The following RAB7B variants were observed in gnomAD, a reference collection of about 807,000 sequenced individuals.
The protein encoded by RAB7B is ras-related protein Rab-7b.
intron 5 of RAB7B, among the ~76,000 whole-genome samples, chr1:205,985,259 C>T (rs1042867630): frequency 1.3e-5 from 2 of 152,314 alleles, no homozygotes; most frequent in South Asian, 2.1e-4. Context: ...GGCTCAGGTA[C>T]AGGACTGGAG....
intron 4 of RAB7B, among the ~76,000 whole-genome samples, chr1:205,988,235 T>G (rs1323210217): frequency 2.1e-4 from 6 of 28,520 alleles, no homozygotes; most frequent in African/African-American, 2.8e-4. Flanking sequence ...TGTGGGTTTT[T>G]TTTTTTTTTT....
chr1:206,002,715 G>A (rs888431685), intron 1 of RAB7B, among the ~76,000 whole-genome samples: 5 of 152,312 alleles, frequency 3.3e-5, no homozygotes, highest in Non-Finnish European at 5.9e-5. Context: ...ACCCAGATCC[G>A]TCCGACTCTA....
intron 1 of RAB7B, among the ~76,000 whole-genome samples, chr1:205,996,525 C>A (rs1023644629): frequency 1.3e-5 from 2 of 152,170 alleles, no homozygotes; most frequent in Non-Finnish European, 2.9e-5. Context: ...ACTCAAGATG[C>A]CTTCTTGGTG....
chr1:205,990,923 G>A (rs939185603), intron 4 of RAB7B, among the ~76,000 whole-genome samples: 5 of 151,706 alleles, frequency 3.3e-5, no homozygotes, highest in Admixed American at 1.3e-4. Flanking sequence ...GAGTAGCTGG[G>A]ATTACAGATG....
chr1:205,991,299 A>G (rs1356848231), intron 4 of RAB7B, among the ~76,000 whole-genome samples: 1 of 152,144 alleles, frequency 6.6e-6, no homozygotes, highest in African/African-American at 2.4e-5. Context: ...AAAAATGGAG[A>G]CACCTTGCCT....
chr1:205,985,782 C>CACCAGG (rs1660588724), intron 4 of RAB7B, 117 bp from the exon 5 acceptor site: 5 of 70,870 alleles, frequency 7.1e-5, no homozygotes, highest in African/African-American at 2.8e-4. Context: ...TCCCCATCAT[C>CACCAGG]CCCACCAGGC....
At chr1:205,996,614 C>A (rs1660816530) in intron 1 of RAB7B, among the ~76,000 whole-genome samples, 1 of 152,134 alleles carries the variant, frequency 6.6e-6, no homozygotes, top group Non-Finnish European at 1.5e-5. Context: ...AATGGGAAGC[C>A]CCCAGAGATT....
At chr1:205,984,600 T>C (rs894594321) in intron 5 of RAB7B, among the ~76,000 whole-genome samples, 590 of 152,262 alleles carry the variant, frequency 3.9e-3, no homozygotes, top group African/African-American at 0.013. Context: ...CACATCAGAC[T>C]GACGTTAAAA....
intron 5 of RAB7B, chr1:205,984,161 G>A (rs1003054135): frequency 6.6e-6 from 1 of 152,266 alleles, no homozygotes; most frequent in African/African-American, 2.4e-5. Flanking sequence ...CAAGCACTAA[G>A]AGAGGGACAC....
intron 1 of RAB7B, among the ~76,000 whole-genome samples, chr1:205,996,058 AT>A (rs1334251868): frequency 2.7e-5 from 4 of 147,486 alleles, no homozygotes; most frequent in African/African-American, 5.1e-5. Context: ...CATTATTTTA[AT>A]TTTTTTCTCT....
At chr1:205,982,526 C>T (rs1051901461) in intron 5 of RAB7B, among the ~76,000 whole-genome samples, 86 of 152,286 alleles carry the variant, frequency 5.6e-4, no homozygotes, top group African/African-American at 1.5e-3. Flanking sequence ...GCCCTCTCTG[C>T]ACTACAATAG....
At chr1:205,994,329 C>T (rs1256353105) in intron 1 of RAB7B, 178 bp from the exon 2 acceptor site, 1 of 368,050 alleles carries the variant, frequency 2.7e-6, no homozygotes, top group African/African-American at 2.1e-5. Context: ...TTCTCCCTCA[C>T]TTTCCCTGGG....
chr1:205,978,823 CT>C lies in RAB7B; in HGVS notation c.*27del, dbSNP rs2102629643. 1 of 398,720 alleles carries C rather than the reference CT, an allele frequency of 2.5e-6. No homozygotes were observed. The highest frequency in any genetic ancestry group is 3.6e-5 in the East Asian group (1 of 28,068). 24.7% of individuals were successfully genotyped at this position (398,720 alleles called of 1,614,324 possible). A position where few individuals can be genotyped will look rare whatever the true frequency, so the allele number is the denominator to read the frequency against. On this transcript the variant is annotated 3_prime_UTR_variant, in exon 6 of 6. Coordinates refer to ENST00000617070, the MANE Select transcript of RAB7B (RefSeq NM_001164522.3). ...ACCAGGCTCGGGGCAGGCTCTGTTT[CT>C]GGGCTTCCAGAGCAGGCGTCTGGAG...
In RAB7B at chr1:205,978,676, C is replaced by T. The variant is rs1660430590; in HGVS notation, c.*175G>A. 1.0e-5 allele frequency: 4 copies of T among 391,472 alleles called. No homozygotes were observed. The highest frequency in any genetic ancestry group is 1.4e-5 in the Non-Finnish European group (3 of 221,992). The allele number at this position is 391,472 out of a possible 1,614,324, so 24.2% of individuals were successfully genotyped here. On this transcript the variant is annotated 3_prime_UTR_variant, in exon 6 of 6. Transcript: ENST00000617070. Reference sequence around the variant, plus strand: ...TACTCAGCCTGAGCCAGGGGCTGCCCTCTGACTCTGGGCCCAGCACCAGGG... The same window carrying T: ...TACTCAGCCTGAGCCAGGGGCTGCCTTCTGACTCTGGGCCCAGCACCAGGG...
intron 5 of RAB7B, among the ~76,000 whole-genome samples, chr1:205,979,777 A>G (rs1377815147): frequency 6.6e-6 from 1 of 152,144 alleles, no homozygotes; most frequent in Non-Finnish European, 1.5e-5. Context: ...TTTGTGCTAC[A>G]TTGGCATGGA....
rs1196249428 is a variant in RAB7B, at chr1:205,997,565, C to CTCAT, written c.-16-3418_-16-3415dup. Among the ~76,000 whole-genome samples, 379 of 152,234 alleles carry CTCAT rather than the reference C, an allele frequency of 2.5e-3. 2 individuals are homozygous for CTCAT. The highest frequency in any genetic ancestry group is 5.7e-3 in the African/African-American group (235 of 41,528). ...ATCTGACCAAAGATCCTGGCACTGA[C>CTCAT]TCATTCATTCATTCATTCATTCACT... On this transcript the variant is annotated intron_variant, in intron 1 of 5. Coordinates refer to ENST00000617070, the MANE Select transcript of RAB7B (RefSeq NM_001164522.3).
At chr1:205,980,590 C>T (rs1660471977) in intron 5 of RAB7B, among the ~76,000 whole-genome samples, 1 of 152,212 alleles carries the variant, frequency 6.6e-6, no homozygotes, top group Non-Finnish European at 1.5e-5. Context: ...CCAGTCTGGC[C>T]ACCTCAGTGG....
At chr1:205,992,960 T>C (rs1255253072) in intron 3 of RAB7B, among the ~76,000 whole-genome samples, 3 of 152,240 alleles carry the variant, frequency 2.0e-5, no homozygotes, top group Non-Finnish European at 2.9e-5. Context: ...GCAATTGTTA[T>C]TCCCATCTGA....
intron 1 of RAB7B, among the ~76,000 whole-genome samples, chr1:205,998,037 G>A (rs1660831543): frequency 1.3e-5 from 2 of 152,184 alleles, no homozygotes; most frequent in East Asian, 1.9e-4. Flanking sequence ...GGGAGTAAAT[G>A]GAAGAGCTAG....
Sources: gnomAD v4.1 joint callset for allele counts (sites outside exome capture counted in the v4.1 genomes callset) on GRCh38, gnomAD v4.1.1 for gene constraint, MANE v1.5 for transcripts, NCBI Gene and HGNC (gene_info 2026-07-23, HGNC 2026-07-21) for gene names.